The following DLK1 variants were observed in gnomAD, a reference collection of about 807,000 sequenced individuals.
DLK1 encodes protein delta homolog 1.
DLK1 carries 9 observed loss-of-function variants against 35.2 expected under a neutral mutation model. That is an observed-to-expected ratio of 0.26 (90% CI 0.15 to 0.45). The LOEUF (loss-of-function observed/expected upper bound fraction) is 0.45, where lower values mean the gene tolerates loss of function less well. DLK1 is among the 20% of genes least tolerant of loss of function. The pLI is 1.00. For synonymous variants in DLK1, 231 were observed against 228.4 expected, an observed-to-expected ratio of 1.01 and a Z score of -0.10; for missense variants, 522 against 528.5, an observed-to-expected ratio of 0.99 and a Z score of 0.12.
At chr14:100,729,371 G>C (rs904260441) in intron 3 of DLK1, 2 of 620,988 alleles carry the variant, frequency 3.2e-6, no homozygotes, top group Admixed American at 2.5e-5. Context: ...AGCTGGGCCG[G>C]TGGGACCACA....
chr14:100,730,937 T>C (rs1406810200), intron 3 of DLK1, among the ~76,000 whole-genome samples: 1 of 152,034 alleles, frequency 6.6e-6, no homozygotes, highest in South Asian at 2.1e-4. Flanking sequence ...AATACGCACA[T>C]GTGTGGCCTC....
At chr14:100,732,688 T>G (rs1389341414) in intron 4 of DLK1, among the ~76,000 whole-genome samples, 1 of 152,134 alleles carries the variant, frequency 6.6e-6, no homozygotes, top group Non-Finnish European at 1.5e-5. Flanking sequence ...AGCTGTCGGC[T>G]ATCCTCAGTG....
intron 2 of DLK1, 148 bp from the exon 3 acceptor site, chr14:100,728,788 C>T: frequency 9.2e-7 from 1 of 1,086,652 alleles, no homozygotes; most frequent in South Asian, 1.5e-5. Flanking sequence ...TTTTCCCATT[C>T]AGGTGGCTGG....
At chr14:100,733,820 G>A (rs1015137505) in intron 4 of DLK1, among the ~76,000 whole-genome samples, 1 of 151,940 alleles carries the variant, frequency 6.6e-6, no homozygotes, top group African/African-American at 2.4e-5. Flanking sequence ...GGTTGGAGAG[G>A]TGCAGTAAGA....
intron 3 of DLK1, among the ~76,000 whole-genome samples, chr14:100,731,019 G>A (rs1231811857): frequency 1.8e-4 from 26 of 142,940 alleles, no homozygotes; most frequent in Non-Finnish European, 1.5e-4. Flanking sequence ...ACTGGCCCTG[G>A]CTTTCTGTTT....
chr14:100,728,618 G>C (rs1022670371), intron 2 of DLK1, 159 bp downstream of exon 2: 7 of 230,520 alleles, frequency 3.0e-5, no homozygotes, highest in East Asian at 2.8e-4. Context: ...GGGGAGATGG[G>C]GGGGGCGGGG....
chr14:100,734,578 G>A lies in DLK1; in HGVS notation c.834G>A (p.Gln278=). 6.2e-7 allele frequency: 1 copy of A among 1,613,706 alleles called. No homozygotes were observed. The highest frequency in any genetic ancestry group is 8.5e-7 in the Non-Finnish European group (1 of 1,180,010). The change falls in exon 5 of 5, where the codon CAG becomes CAA. Residue 278 remains glutamine, a synonymous_variant. Transcript: ENST00000341267. This position sits in a 1 kb window ranked among gnomAD's most constrained non-coding sequence, Gnocchi z 7.4. The part of the protein sequence containing the change: ...LTPGVHELPV[Q]QPEHRILKVS... ...CTGGGGTGCACGAGCTGCCGGTGCA[G>A]CAGCCGGAGCACCGCATCCTGAAGG... is the stretch of plus-strand genomic sequence containing the variant.
intron 2 of DLK1, chr14:100,728,702 C>G (rs2036469640): frequency 3.1e-6 from 2 of 650,348 alleles, no homozygotes; most frequent in Non-Finnish European, 5.2e-6. Flanking sequence ...GCCACTGCGG[C>G]AAAACGCAGC....
At position 100,735,107 on chromosome 14, in the gene DLK1, A is replaced by T; in HGVS notation, c.*211A>T. On this transcript the variant is annotated 3_prime_UTR_variant, in exon 5 of 5. Coordinates refer to ENST00000341267, the MANE Select transcript of DLK1 (RefSeq NM_003836.7). Reference sequence around the variant, plus strand: ...TAATGCATGATACAGAATAATAATAAGAATTTCATCTTTAAATGAGTAAGA... The same window carrying T: ...TAATGCATGATACAGAATAATAATATGAATTTCATCTTTAAATGAGTAAGA... The T allele has an allele frequency of 2.2e-6, 1 of 446,038 alleles. No individual in the cohort carries two copies. The highest frequency in any genetic ancestry group is 3.6e-5 in the East Asian group (1 of 27,812). The allele number at this position is 446,038 out of a possible 1,614,324, so 27.6% of individuals were successfully genotyped here.
intron 1 of DLK1, among the ~76,000 whole-genome samples, chr14:100,727,482 C>T (rs1364030798): frequency 6.6e-6 from 1 of 152,090 alleles, no homozygotes; most frequent in Non-Finnish European, 1.5e-5. Context: ...TTGGGGTGTC[C>T]CTGTGTGAGC....
Position 100,734,419 on chromosome 14 carries a change from G to A in DLK1, c.675G>A (p.Gln225=), listed in dbSNP as rs756453751. The change falls in exon 5 of 5, where the codon CAG becomes CAA. Residue 225 remains glutamine (Q), a synonymous_variant. Transcript: ENST00000341267. The surrounding 1 kb of genome is among the most constrained non-coding windows in gnomAD (Gnocchi z 7.4). ...GCCAGAACGGGGGCACCTGCCTGCA[G>A]CACACCCAGGTGAGCTACGAGTGTC... ...SPCQNGGTCL[Q]HTQVSYECLC... is the part of the protein sequence containing the mutation. The A allele has an allele frequency of 6.8e-6, 11 of 1,611,878 alleles. No homozygotes were observed. Among genetic ancestry groups the A allele is most frequent in the Non-Finnish European group, 9.3e-6 (11 of 1,179,042 alleles).
Position 100,736,080 on chromosome 14 carries a change from C to T in DLK1, c.*1184C>T, listed in dbSNP as rs1197397660. ...TGGCAAATGTGGTCCAAGACCTGGC[C>T]CACACAGCCATGGGTTTACATTTGT... On this transcript the variant is annotated 3_prime_UTR_variant, in exon 5 of 5. Coordinates refer to ENST00000341267, the MANE Select transcript of DLK1 (RefSeq NM_003836.7). The T allele has an allele frequency of 6.6e-6, 1 of 152,138 alleles. No individual in the cohort carries two copies. Among genetic ancestry groups the T allele is most frequent in the Non-Finnish European group, 1.5e-5 (1 of 68,042 alleles). The allele number at this position is 152,138 out of a possible 1,614,324, so 9.4% of individuals were successfully genotyped here.
At position 100,734,472 on chromosome 14, in the gene DLK1, C is replaced by G; in HGVS notation, c.728C>G (p.Thr243Ser). The G allele has an allele frequency of 6.2e-7, 1 of 1,611,846 alleles. No individual in the cohort carries two copies. Among genetic ancestry groups the G allele is most frequent in the Non-Finnish European group, 8.5e-7 (1 of 1,178,944 alleles). ...CLCKPEFTGL[T>S]CVKKRALSPQ... ...TGCAAGCCCGAGTTCACAGGTCTCA[C>G]CTGTGTCAAGAAGCGCGCGCTGAGC... The change falls in exon 5 of 5, where the codon ACC becomes AGC. Residue 243 changes from threonine (T) to serine (S), a missense_variant. Thr to Ser is a moderately conservative substitution (Grantham distance 58, BLOSUM62 1). Coordinates refer to ENST00000341267, the MANE Select transcript of DLK1 (RefSeq NM_003836.7). This position sits in a 1 kb window ranked among gnomAD's most constrained non-coding sequence, Gnocchi z 7.4.
In DLK1 at chr14:100,737,997, C is replaced by T. The variant is rs959055649; in HGVS notation, c.*3101C>T. ...CTGCCCAGCCACACCTTGTGTGTGT[C>T]TGGTGTAGTGTGTAGTTTACGAAAC... On this transcript the variant is annotated 3_prime_UTR_variant, in exon 5 of 5. Coordinates refer to ENST00000341267, the MANE Select transcript of DLK1 (RefSeq NM_003836.7). 1.3e-5 allele frequency: 2 copies of T among 152,122 alleles called. No homozygotes were observed. Among genetic ancestry groups the T allele is most frequent in the Non-Finnish European group, 2.9e-5 (2 of 68,036 alleles). The allele number at this position is 152,122 out of a possible 1,614,324, so 9.4% of individuals were successfully genotyped here. A position where few individuals can be genotyped will look rare whatever the true frequency, so the allele number is the denominator to read the frequency against.
At position 100,729,214 on chromosome 14, in the gene DLK1, A is replaced by G. The variant is rs886067305; in HGVS notation, c.262+148A>G. On this transcript the variant is annotated intron_variant, in intron 3 of 4. Transcript: ENST00000341267. Reference sequence around the variant, plus strand: ...CCCTGTATTCTAAAGATCTGTTTATAAATTTCCTGTGGGTACCGAATGCCT... The same window carrying G: ...CCCTGTATTCTAAAGATCTGTTTATGAATTTCCTGTGGGTACCGAATGCCT... The G allele has an allele frequency of 2.8e-6, 4 of 1,422,154 alleles. No homozygotes were observed. In the African/African-American group the frequency reaches 5.7e-5, roughly 20 times the overall value. 88.1% of individuals were successfully genotyped at this position (1,422,154 alleles called of 1,614,324 possible). A position where few individuals can be genotyped will look rare whatever the true frequency, so the allele number is the denominator to read the frequency against.
At chr14:100,728,813 G>C in intron 2 of DLK1, 123 bp from the exon 3 acceptor site, 1 of 1,314,432 alleles carries the variant, frequency 7.6e-7, no homozygotes, top group Non-Finnish European at 1.0e-6. Context: ...TACTTCCCAG[G>C]ACCACCGGCT....
rs1026489115 is a variant in DLK1 at position 100,735,179 on chromosome 14, A to G, written c.*283A>G. On this transcript the variant is annotated 3_prime_UTR_variant, in exon 5 of 5. Transcript: ENST00000341267. The stretch of plus-strand genomic sequence containing the variant: ...AATCTAAACTCAAATGAAATTTCAA[A>G]AAAGACCAAAAAAAAACAAGGCAAC... 4 of 316,054 alleles carry G rather than the reference A, an allele frequency of 1.3e-5. No individual in the cohort carries two copies. The highest frequency in any genetic ancestry group is 2.2e-5 in the Non-Finnish European group (4 of 180,568). The allele number at this position is 316,054 out of a possible 1,614,324, so 19.6% of individuals were successfully genotyped here. A position where few individuals can be genotyped will look rare whatever the true frequency, so the allele number is the denominator to read the frequency against.
intron 3 of DLK1, 120 bp downstream of exon 3, chr14:100,729,186 G>T (rs111663933): frequency 4.0e-6 from 6 of 1,512,468 alleles, no homozygotes; most frequent in Non-Finnish European, 5.4e-6. Context: ...TGCACACTCC[G>T]TGCCCTGTAT....
In DLK1 at chr14:100,734,336, G is replaced by A. The variant is rs888726734; in HGVS notation, c.592G>A (p.Ala198Thr). ...IGGDFRCRCP[A>T]GFIDKTCSRP... is the part of the protein sequence containing the mutation. The stretch of plus-strand genomic sequence containing the variant: ...GGGCGACTTCCGCTGCCGGTGCCCA[G>A]CCGGCTTCATCGACAAGACCTGCAG... Residue 198 changes from alanine (A) to threonine (T), a missense_variant, in exon 5 of 5, where the codon GCC (alanine) becomes ACC (threonine). Transcript: ENST00000341267. The surrounding 1 kb of genome is among the most constrained non-coding windows in gnomAD (Gnocchi z 7.4). The A allele has an allele frequency of 2.5e-6, 4 of 1,612,844 alleles. No individual in the cohort carries two copies. In the African/African-American group the frequency reaches 5.3e-5, roughly 22 times the overall value.
Sources: gnomAD v4.1 joint callset for allele counts (sites outside exome capture counted in the v4.1 genomes callset) on GRCh38, gnomAD v4.1.1 for gene constraint, Gnocchi (gnomAD v3.1) non-coding constraint, MANE v1.5 for transcripts, NCBI Gene and HGNC (gene_info 2026-07-23, HGNC 2026-07-21) for gene names.